The following STYXL2 variants were observed in gnomAD, a reference collection of about 807,000 sequenced individuals.
STYXL2 encodes the protein serine/threonine/tyrosine interacting like 2, also known as serine/threonine/tyrosine-interacting-like protein 2.
In STYXL2, 44 loss-of-function variants were observed where a neutral mutation model predicts 52.4. The observed-to-expected ratio is 0.84, with a 90% CI of 0.66 to 1.08. The LOEUF (loss-of-function observed/expected upper bound fraction) is 1.08. Among genes scored for constraint, STYXL2 ranks in the 50% least tolerant of loss-of-function variants. The probability of loss-of-function intolerance (pLI) is 0.00; values close to 1 mark genes in which losing one functional copy is unlikely to be tolerated. For missense variants in STYXL2, 1,604 were observed against 1,471.7 expected, an observed-to-expected ratio of 1.09 and a Z score of -1.47; for synonymous variants, 604 against 586.9, an observed-to-expected ratio of 1.03 and a Z score of -0.42.
intron 4 of STYXL2, 137 bp downstream of exon 4, chr1:167,117,696 GC>G: frequency 1.4e-6 from 1 of 734,726 alleles, no homozygotes; most frequent in East Asian, 2.7e-5. Flanking sequence ...CACTTACCCT[GC>G]CCCAGCCCAG....
intron 3 of STYXL2, among the ~76,000 whole-genome samples, chr1:167,115,273 T>A (rs966886994): frequency 3.9e-5 from 6 of 152,276 alleles, no homozygotes; most frequent in African/African-American, 1.4e-4. Flanking sequence ...TCACTAGTGA[T>A]TACAGGGGTA....
chr1:167,105,818 CG>C (rs1558019463), intron 2 of STYXL2, among the ~76,000 whole-genome samples: 1 of 152,156 alleles, frequency 6.6e-6, no homozygotes, highest in Admixed American at 6.6e-5. Context: ...CTGGGTAATA[CG>C]GAGCAGAGTT....
intron 4 of STYXL2, among the ~76,000 whole-genome samples, chr1:167,118,209 C>G (rs114123950): frequency 0.012 from 1,786 of 152,252 alleles, 31 homozygotes; most frequent in African/African-American, 0.041. Context: ...CTATTATTTT[C>G]TAAAAGTTTA....
At chr1:167,110,448 G>A (rs1256234068) in intron 2 of STYXL2, among the ~76,000 whole-genome samples, 1 of 152,082 alleles carries the variant, frequency 6.6e-6, no homozygotes, top group Non-Finnish European at 1.5e-5. Context: ...AGAGAAAGGT[G>A]AAAATCAACT....
intron 2 of STYXL2, among the ~76,000 whole-genome samples, chr1:167,102,162 T>A: frequency 6.9e-6 from 1 of 145,772 alleles, no homozygotes; most frequent in African/African-American, 2.6e-5. Flanking sequence ...AGGGAGGGGG[T>A]GAGAGGGAGG....
At chr1:167,112,095 C>T (rs1571338910) in intron 2 of STYXL2, among the ~76,000 whole-genome samples, 2 of 152,220 alleles carry the variant, frequency 1.3e-5, no homozygotes, top group South Asian at 4.1e-4. Flanking sequence ...AAAGCTCACC[C>T]TTAATCCACC....
intron 2 of STYXL2, among the ~76,000 whole-genome samples, chr1:167,095,510 G>A (rs974345348): frequency 6.6e-6 from 1 of 152,092 alleles, no homozygotes; most frequent in African/African-American, 2.4e-5. Context: ...TCTTCCTGGA[G>A]AGTCCTCTTT....
In STYXL2 at chr1:167,126,142, G is replaced by A. The variant is rs1667958458; in HGVS notation, c.1011G>A (p.Lys337=). 7.9e-6 allele frequency: 12 copies of A among 1,511,690 alleles called. No individual in the cohort carries two copies. Among genetic ancestry groups the A allele is most frequent in the Non-Finnish European group, 9.7e-6 (11 of 1,133,216 alleles). 93.6% of individuals were successfully genotyped at this position (1,511,690 alleles called of 1,614,324 possible). ...TGGGGAAGGCCACCCAGGCCTCCAA[G>A]CCCCTCACCCTCATAGACGAGGAGG... The part of the protein sequence containing the change: ...SSLGKATQAS[K]PLTLIDEEEE... The change falls in exon 6 of 6, where the codon AAG becomes AAA. Residue 337 remains lysine (K), a synonymous_variant. Transcript: ENST00000361200.
At chr1:167,122,246 A>G (rs1236966731) in intron 5 of STYXL2, among the ~76,000 whole-genome samples, 1 of 152,108 alleles carries the variant, frequency 6.6e-6, no homozygotes, top group Non-Finnish European at 1.5e-5. Context: ...GCAGGAAAGA[A>G]GCCAAAGACA....
intron 3 of STYXL2, 136 bp downstream of exon 3, chr1:167,113,940 A>G (rs894457534): frequency 8.4e-6 from 6 of 716,832 alleles, no homozygotes; most frequent in South Asian, 4.7e-5. Context: ...TGCAGAAGGC[A>G]GTTCTGCCAA....
At chr1:167,118,725 C>T (rs1430540680) in intron 4 of STYXL2, among the ~76,000 whole-genome samples, 1 of 152,206 alleles carries the variant, frequency 6.6e-6, no homozygotes, top group East Asian at 1.9e-4. Context: ...TCTCCTTTCA[C>T]AATCTTGGGA....
chr1:167,128,102 T>G lies in STYXL2; in HGVS notation c.2971T>G (p.Ser991Ala), dbSNP rs763294950. The G allele has an allele frequency of 4.0e-5, 64 of 1,614,056 alleles. No homozygotes were observed. The highest frequency in any genetic ancestry group is 5.2e-5 in the Non-Finnish European group (61 of 1,180,040). ...SKSQSEEQDT[S>A]SYHEANGNSV... ...ATCCCAGTCAGAGGAACAGGACACC[T>G]CCTCCTACCACGAGGCAAATGGCAA... Residue 991 changes from serine (S) to alanine (A), a missense_variant, in exon 6 of 6, where the codon TCC becomes GCC. Ser to Ala is a moderately conservative substitution (Grantham distance 99). Transcript: ENST00000361200.
chr1:167,108,315 G>C (rs1048730792), intron 2 of STYXL2, among the ~76,000 whole-genome samples: 1 of 152,104 alleles, frequency 6.6e-6, no homozygotes, highest in South Asian at 2.1e-4. Flanking sequence ...TACCTTTATA[G>C]AGCTCACTGC....
chr1:167,119,648 C>T (rs4657632), intron 5 of STYXL2, among the ~76,000 whole-genome samples, 182 bp downstream of exon 5: 45,933 of 152,092 alleles, frequency 0.3, 7,724 homozygotes, highest in East Asian at 0.72. Context: ...TACTGAGTGC[C>T]TAGCAAGTGC....
intron 2 of STYXL2, among the ~76,000 whole-genome samples, chr1:167,105,610 C>A (rs1054766038): frequency 2.6e-5 from 4 of 152,182 alleles, no homozygotes; most frequent in South Asian, 4.2e-4. Context: ...TCTCTCCCTC[C>A]TTCCTCTTTT....
rs372727539 is a variant in STYXL2, at chr1:167,126,832, C to A, written c.1701C>A (p.Ser567Arg). Residue 567 changes from serine (S) to arginine (R), a missense_variant, in exon 6 of 6, where the codon AGC (serine) becomes AGA (arginine). Transcript: ENST00000361200. ...AAGACTTGGGAGCGGGAGACAGCAGCGGTGAGCCCGGTGCAGAGGAGGCAG... is the reference window on the plus strand; with the variant it reads ...AAGACTTGGGAGCGGGAGACAGCAGAGGTGAGCCCGGTGCAGAGGAGGCAG... ...HKKDLGAGDSSGEPGAEEAVG... is the reference protein window; with the variant it reads ...HKKDLGAGDSRGEPGAEEAVG... The A allele has an allele frequency of 2.5e-6, 4 of 1,614,170 alleles. No homozygotes were observed. Among genetic ancestry groups the A allele is most frequent in the South Asian group, 1.1e-5 (1 of 91,080 alleles).
chr1:167,121,451 G>A (rs1667856278), intron 5 of STYXL2, among the ~76,000 whole-genome samples: 1 of 152,258 alleles, frequency 6.6e-6, no homozygotes, highest in South Asian at 2.1e-4. Context: ...GGCGGAGCGG[G>A]TACGCTCGCA....
chr1:167,113,827 G>T, intron 3 of STYXL2, 23 bp downstream of exon 3: 1 of 1,584,142 alleles, frequency 6.3e-7, no homozygotes, highest in Non-Finnish European at 8.7e-7. Flanking sequence ...AAAGCTGGGT[G>T]GAAGCAAAGT....
chr1:167,096,094 C>G (rs142833252), intron 2 of STYXL2, among the ~76,000 whole-genome samples: 4,557 of 152,114 alleles, frequency 0.03, 110 homozygotes, highest in Middle Eastern at 0.061. Context: ...CCCATCTCTA[C>G]TAAAAATACA....
Sources: gnomAD v4.1 joint callset for allele counts (sites outside exome capture counted in the v4.1 genomes callset) on GRCh38, gnomAD v4.1.1 for gene constraint, MANE v1.5 for transcripts, NCBI Gene and HGNC (gene_info 2026-07-23, HGNC 2026-07-21) for gene names.